Variants in PPCS observed in about 807,000 individuals in gnomAD.
PPCS encodes the protein phosphopantothenoylcysteine synthetase.
A neutral mutation model predicts 24.6 loss-of-function variants in PPCS; 17 were observed. That is an observed-to-expected ratio of 0.69 (90% CI 0.47 to 1.04). The LOEUF (loss-of-function observed/expected upper bound fraction) is 1.04. Ranked by LOEUF, PPCS falls within the 50% of genes least tolerant of loss-of-function variation. The probability of loss-of-function intolerance (pLI) is 0.00; values close to 1 mark genes in which losing one functional copy is unlikely to be tolerated. For missense variants in PPCS, 360 were observed against 402.8 expected, an observed-to-expected ratio of 0.89 and a Z score of 0.91; for synonymous variants, 190 against 168.3, an observed-to-expected ratio of 1.13 and a Z score of -1.00.
rs1254071464 is a variant in PPCS, at chr1:42,459,973, A to G, written c.*47A>G. The G allele has an allele frequency of 6.5e-7, 1 of 1,528,776 alleles. No homozygotes were observed. The highest frequency in any genetic ancestry group is 2.3e-5 in the East Asian group (1 of 44,156). The allele number at this position is 1,528,776 out of a possible 1,614,324, so 94.7% of individuals were successfully genotyped here. ...CAAAAATTGTTCAGGGCTCTTAGAG[A>G]TGGTGAAAACTACAAAAAAAACCAT... On this transcript the variant is annotated 3_prime_UTR_variant, in exon 3 of 3. Coordinates refer to ENST00000372561, the MANE Select transcript of PPCS (RefSeq NM_024664.4).
chr1:42,463,769 C>T (rs1393185504), downstream of PPCS: 4 of 152,146 alleles, frequency 2.6e-5, no homozygotes, highest in Non-Finnish European at 4.4e-5. Flanking sequence ...GCAGCTTTCC[C>T]CTACGTGTAG....
intron 2 of PPCS, among the ~76,000 whole-genome samples, chr1:42,466,373 G>A (rs1185577603): frequency 6.6e-6 from 1 of 152,098 alleles, no homozygotes; most frequent in Non-Finnish European, 1.5e-5. Context: ...TCCTCTTCTC[G>A]TTTAAAATTC....
intron 2 of PPCS, among the ~76,000 whole-genome samples, chr1:42,470,548 G>A (rs1415644458): frequency 2.0e-5 from 3 of 152,098 alleles, no homozygotes; most frequent in Admixed American, 6.5e-5. Flanking sequence ...GTTGAAAGGT[G>A]GAAACAACTC....
At chr1:42,470,028 G>A (rs554395138) in intron 2 of PPCS, among the ~76,000 whole-genome samples, 1 of 152,262 alleles carries the variant, frequency 6.6e-6, no homozygotes, top group East Asian at 1.9e-4. Flanking sequence ...ACCTAAAATA[G>A]GTGGATAATA....
chr1:42,463,935 C>T (rs778416531), downstream of PPCS: 2 of 152,194 alleles, frequency 1.3e-5, no homozygotes, highest in Non-Finnish European at 2.9e-5. Context: ...ACAACTTTTT[C>T]CACTTCTCTC....
At chr1:42,472,331 T>A (rs1264408027) in intron 2 of PPCS, among the ~76,000 whole-genome samples, 1 of 152,206 alleles carries the variant, frequency 6.6e-6, no homozygotes, top group Non-Finnish European at 1.5e-5. Context: ...TTTCATATAC[T>A]GTCATACTGC....
At chr1:42,473,357 C>G in exon 3 of PPCS, 1 of 1,010,296 alleles carries the variant, frequency 9.9e-7, no homozygotes, top group Non-Finnish European at 1.3e-6. Flanking sequence ...GTTCATTGCC[C>G]TTCATTAAAT....
upstream of PPCS, chr1:42,456,393 C>T: frequency 2.6e-6 from 2 of 760,040 alleles, no homozygotes; most frequent in Non-Finnish European, 4.1e-6. Flanking sequence ...TTTCGCTGGG[C>T]TCTGGGGCAG....
chr1:42,472,979 G>A (rs1643818782), intron 2 of PPCS: 1 of 640,466 alleles, frequency 1.6e-6, no homozygotes, highest in Non-Finnish European at 2.1e-6. Flanking sequence ...GAAGGTTCAG[G>A]TAGCTTACTA....
At chr1:42,473,268 G>C in exon 3 of PPCS, 1 of 1,231,568 alleles carries the variant, frequency 8.1e-7, no homozygotes, top group Non-Finnish European at 1.0e-6. Flanking sequence ...AGATGTAGAA[G>C]AGCTTATAGT....
At chr1:42,473,393 C>A, downstream of PPCS, 2 of 738,996 alleles carry the variant, frequency 2.7e-6, no homozygotes, top group Non-Finnish European at 3.7e-6. Context: ...TAATGTTTGG[C>A]TATCACTGTA....
intron 2 of PPCS, among the ~76,000 whole-genome samples, chr1:42,470,303 A>C (rs79319357): frequency 7.2e-6 from 1 of 137,970 alleles, no homozygotes; most frequent in Non-Finnish European, 1.6e-5. Context: ...TTTTTTTTTT[A>C]AAGTAACCCA....
chr1:42,460,255 C>T lies in PPCS; in HGVS notation c.*329C>T. 1 of 1,028,126 alleles carries T rather than the reference C, an allele frequency of 9.7e-7. No individual in the cohort carries two copies. The highest frequency in any genetic ancestry group is 1.2e-6 in the Non-Finnish European group (1 of 855,770). 63.7% of individuals were successfully genotyped at this position (1,028,126 alleles called of 1,614,324 possible). On this transcript the variant is annotated 3_prime_UTR_variant, in exon 3 of 3. Transcript: ENST00000372561. ...GATTATGGATGCATGAATGGTCATG[C>T]TTTGGAGATCAAATATTGGTTGAAT...
At chr1:42,462,449 G>T (rs1643437538), downstream of PPCS, among the ~76,000 whole-genome samples, 1 of 152,158 alleles carries the variant, frequency 6.6e-6, no homozygotes. Context: ...GTGCCAGAAG[G>T]AGAGGTTGAG....
chr1:42,469,327 A>G (rs2148437735), intron 2 of PPCS, among the ~76,000 whole-genome samples: 1 of 152,332 alleles, frequency 6.6e-6, no homozygotes, highest in East Asian at 1.9e-4. Flanking sequence ...AACTGTAGTG[A>G]GCTATGGATA....
At chr1:42,459,539 A>G (rs1643346445) in intron 2 of PPCS, 64 bp from the exon 3 acceptor site, 16 of 1,331,770 alleles carry the variant, frequency 1.2e-5, no homozygotes, top group Non-Finnish European at 1.7e-5. Context: ...TTAGTTTCCC[A>G]TGAGATTGAC....
intron 2 of PPCS, among the ~76,000 whole-genome samples, chr1:42,470,676 A>G (rs937853251): frequency 1.3e-5 from 2 of 152,210 alleles, no homozygotes; most frequent in African/African-American, 4.8e-5. Flanking sequence ...TCTTGAAGAC[A>G]TTATGCTGCA....
downstream of PPCS, among the ~76,000 whole-genome samples, chr1:42,463,168 T>C (rs974110471): frequency 1.3e-5 from 2 of 152,218 alleles, no homozygotes; most frequent in East Asian, 3.9e-4. Context: ...CGAAGGCCAA[T>C]GGTGTGAGAC....
chr1:42,458,066 G>A lies in PPCS; in HGVS notation c.612+716G>A, dbSNP rs115876860. ...AGTAGGAATTTGAAAGTGGGCAGTG[G>A]GCTGTGAACCGAAGTGCTTTGGTAA... On this transcript the variant is annotated intron_variant, in intron 2 of 2. Coordinates refer to ENST00000372561, the MANE Select transcript of PPCS (RefSeq NM_024664.4). Among the ~76,000 whole-genome samples the A allele has an allele frequency of 7.0e-3, 1,068 of 152,228 alleles. 15 individuals are homozygous for A. Among genetic ancestry groups the A allele is most frequent in the African/African-American group, 0.024 (1,007 of 41,526 alleles).
Sources: allele counts gnomAD v4.1 joint callset (sites outside exome capture counted in the v4.1 genomes callset), GRCh38; gene constraint gnomAD v4.1.1; transcripts MANE v1.5; gene names NCBI Gene and HGNC (gene_info 2026-07-23, HGNC 2026-07-21).